SLC6A11: variants seen among roughly 807,000 people sequenced by gnomAD.
SLC6A11 encodes solute carrier family 6 member 11, also known as sodium- and chloride-dependent GABA transporter 3.
In SLC6A11, 25 loss-of-function variants were observed where a neutral mutation model predicts 74.8. The observed-to-expected ratio is 0.33, with a 90% CI of 0.24 to 0.47. The LOEUF is 0.47. Among genes scored for constraint, SLC6A11 ranks in the 20% least tolerant of loss-of-function variants. The probability of loss-of-function intolerance (pLI) is 1.00; values close to 1 mark genes in which losing one functional copy is unlikely to be tolerated. For missense variants in SLC6A11, 574 were observed against 837.0 expected, an observed-to-expected ratio of 0.69 and a Z score of 3.88; for synonymous variants, 330 against 330.2, an observed-to-expected ratio of 1.00 and a Z score of 0.01.
chr3:10,847,270 C>T (rs953470863), intron 5 of SLC6A11, among the ~76,000 whole-genome samples: 24 of 152,006 alleles, frequency 1.6e-4, no homozygotes, highest in African/African-American at 4.8e-4. Context: ...CTGTCATCTG[C>T]GATGTGGGGA....
At chr3:10,880,856 C>T (rs1694967225) in intron 6 of SLC6A11, among the ~76,000 whole-genome samples, 1 of 152,232 alleles carries the variant, frequency 6.6e-6, no homozygotes, top group South Asian at 2.1e-4. Context: ...GTTATTGCAG[C>T]CCCACCTGTG....
At chr3:10,911,507 T>C (rs1575699603) in intron 6 of SLC6A11, among the ~76,000 whole-genome samples, 1 of 152,156 alleles carries the variant, frequency 6.6e-6, no homozygotes, top group Admixed American at 6.5e-5. Context: ...AAGGACATGG[T>C]GGGCCTCCCT....
intron 6 of SLC6A11, among the ~76,000 whole-genome samples, chr3:10,901,643 A>G (rs546509737): frequency 1.3e-5 from 2 of 152,290 alleles, no homozygotes; most frequent in East Asian, 1.9e-4. Context: ...TAGCATTTAA[A>G]TATCTCCAAA....
At chr3:10,935,308 G>A in intron 13 of SLC6A11, 109 bp downstream of exon 13, 1 of 999,060 alleles carries the variant, frequency 1.0e-6, no homozygotes, top group Non-Finnish European at 1.5e-6. Context: ...CCTGCCTCAA[G>A]GGGACGCTGT....
intron 6 of SLC6A11, among the ~76,000 whole-genome samples, chr3:10,904,667 T>C (rs1456718573): frequency 6.6e-6 from 1 of 152,204 alleles, no homozygotes; most frequent in African/African-American, 2.4e-5. Flanking sequence ...AGTTGCCTGG[T>C]CTTCCTTTCA....
rs868098732 is a variant in SLC6A11, at chr3:10,930,738, G to C, written c.1371+1399G>C. On this transcript the variant is annotated intron_variant, in intron 10 of 13. Coordinates refer to ENST00000254488, the MANE Select transcript of SLC6A11 (RefSeq NM_014229.3). ...GCTTGGAGAAGGCAGGTGGTGGAGG[G>C]TGCTTCTTGAACTGCCTGCCCCAGG... Among the ~76,000 whole-genome samples, 3 of 151,930 alleles carry C rather than the reference G, an allele frequency of 2.0e-5. No individual in the cohort carries two copies. The South Asian group carries it at 6.2e-4, about 32-fold the overall frequency.
Position 10,934,181 on chromosome 3 carries a change from A to G in SLC6A11, c.1575+15A>G, listed in dbSNP as rs1422360697. The G allele has an allele frequency of 4.5e-6, 7 of 1,559,066 alleles. No individual in the cohort carries two copies. The highest frequency in any genetic ancestry group is 5.3e-6 in the Non-Finnish European group (6 of 1,130,082). ...GGATCTGCGCGGTAAGGGCCCCACCAGGAGCCACCTCCAGCCATCTACCCA... is the reference window on the plus strand; with the variant it reads ...GGATCTGCGCGGTAAGGGCCCCACCGGGAGCCACCTCCAGCCATCTACCCA... On this transcript the variant is annotated intron_variant, in intron 12 of 13. Transcript: ENST00000254488.
intron 5 of SLC6A11, among the ~76,000 whole-genome samples, chr3:10,850,515 G>A (rs116629152): frequency 0.018 from 2,780 of 151,978 alleles, 72 homozygotes; most frequent in African/African-American, 0.063. Flanking sequence ...GGGAGCACAG[G>A]GCTGGGAGAG....
At chr3:10,877,916 T>C (rs1694928822) in intron 6 of SLC6A11, among the ~76,000 whole-genome samples, 1 of 152,136 alleles carries the variant, frequency 6.6e-6, no homozygotes, top group African/African-American at 2.4e-5. Context: ...GAGCAGGGGT[T>C]GATGGGCCCC....
At chr3:10,855,277 G>T (rs981385396) in intron 5 of SLC6A11, among the ~76,000 whole-genome samples, 1 of 152,164 alleles carries the variant, frequency 6.6e-6, no homozygotes, top group Non-Finnish European at 1.5e-5. Context: ...GGCTCTAAAG[G>T]TTTAAGTAAT....
chr3:10,890,441 A>G (rs1158389062), intron 6 of SLC6A11, among the ~76,000 whole-genome samples: 2 of 152,258 alleles, frequency 1.3e-5, no homozygotes, highest in Non-Finnish European at 2.9e-5. Flanking sequence ...GGAGGCTGTG[A>G]TAGCTGTACA....
chr3:10,930,033 G>A (rs969315883), intron 10 of SLC6A11, among the ~76,000 whole-genome samples: 8 of 152,150 alleles, frequency 5.3e-5, no homozygotes, highest in Admixed American at 5.2e-4. Context: ...AAAAAGAACT[G>A]TTGCCTAGAA....
chr3:10,891,690 A>G (rs565316893), intron 6 of SLC6A11, among the ~76,000 whole-genome samples: 2 of 152,224 alleles, frequency 1.3e-5, no homozygotes, highest in Admixed American at 6.5e-5. Context: ...GGCTCACCCA[A>G]GGCCACAGCT....
chr3:10,890,861 T>C (rs951536445), intron 6 of SLC6A11, among the ~76,000 whole-genome samples: 4 of 152,242 alleles, frequency 2.6e-5, no homozygotes, highest in African/African-American at 7.2e-5. Flanking sequence ...AGTGGTAGTT[T>C]AGCTGGGTAT....
At position 10,875,008 on chromosome 3, in the gene SLC6A11, C is replaced by T. The variant is rs779551405; in HGVS notation, c.804C>T (p.Leu268=). The T allele has an allele frequency of 4.3e-6, 7 of 1,613,660 alleles. No homozygotes were observed. Among genetic ancestry groups the T allele is most frequent in the Non-Finnish European group, 5.9e-6 (7 of 1,179,816 alleles). ...ATFPYIMLLI[L]LIRGVTLPGA... is the part of the protein sequence containing the mutation. ...TCCCCTACATCATGCTGCTGATCCT[C>T]CTGATACGAGGGGTCACGTTGCCCG... Residue 268 remains leucine (L), a synonymous_variant, in exon 6 of 14, where the codon CTC becomes CTT. Transcript: ENST00000254488.
At chr3:10,880,026 G>A (rs1265700747) in intron 6 of SLC6A11, among the ~76,000 whole-genome samples, 3 of 152,188 alleles carry the variant, frequency 2.0e-5, no homozygotes, top group Non-Finnish European at 4.4e-5. Flanking sequence ...CATGACAAAT[G>A]TAGTGCAGGT....
At chr3:10,900,271 C>T (rs190088299) in intron 6 of SLC6A11, among the ~76,000 whole-genome samples, 24 of 152,280 alleles carry the variant, frequency 1.6e-4, no homozygotes, top group East Asian at 1.4e-3. Context: ...AGTTAGGACT[C>T]GGTGTGAGCT....
intron 4 of SLC6A11, among the ~76,000 whole-genome samples, chr3:10,828,210 T>C (rs958471916): frequency 6.6e-6 from 1 of 152,112 alleles, no homozygotes; most frequent in Non-Finnish European, 1.5e-5. Flanking sequence ...TAGTCCAGGG[T>C]TTGGGGAGCA....
intron 4 of SLC6A11, among the ~76,000 whole-genome samples, chr3:10,842,940 T>C (rs1290884270): frequency 2.6e-5 from 4 of 152,110 alleles, no homozygotes; most frequent in African/African-American, 7.2e-5. Context: ...CCCAAGCGGA[T>C]TCCCAGGGAG....
Sources: gnomAD v4.1 joint callset for allele counts (sites outside exome capture counted in the v4.1 genomes callset) on GRCh38, gnomAD v4.1.1 for gene constraint, MANE v1.5 for transcripts, NCBI Gene and HGNC (gene_info 2026-07-23, HGNC 2026-07-21) for gene names.